Variants in KIF13A observed in about 807,000 individuals in gnomAD.
The protein encoded by KIF13A is kinesin family member 13A.
Under a neutral mutation model 212.2 loss-of-function variants are expected in KIF13A, and 79 were observed. The observed-to-expected ratio is 0.37, with a 90% CI of 0.31 to 0.45. KIF13A has a LOEUF of 0.45. KIF13A is among the 20% of genes least tolerant of loss of function. KIF13A has a pLI of 1.00. For missense variants in KIF13A, 1,901 were observed against 2,209.0 expected (o/e 0.86, Z 2.79); for synonymous variants, 789 against 808.6 (o/e 0.98, Z 0.41).
In KIF13A at chr6:17,900,087, T is replaced by C. The variant is rs113737100; in HGVS notation, c.147-1907A>G. ...GAAAGAAAAGTCACTTGGGTTACAA[T>C]AAGGCCATTATATGAAACAGCACAG... On this transcript the variant is annotated intron_variant, in intron 2 of 38. Coordinates refer to ENST00000259711, the MANE Select transcript of KIF13A (RefSeq NM_022113.6). The surrounding 1 kb of genome is among the most constrained non-coding windows in gnomAD (Gnocchi z 4.6). 6.6e-6 allele frequency among the ~76,000 whole-genome samples: 1 copy of C among 152,306 alleles called. No homozygotes were observed. Among genetic ancestry groups the C allele is most frequent in the African/African-American group, 2.4e-5 (1 of 41,572 alleles).
intron 3 of KIF13A, among the ~76,000 whole-genome samples, chr6:17,879,949 CT>C (rs1770907077): frequency 6.6e-6 from 1 of 152,168 alleles, no homozygotes; most frequent in African/African-American, 2.4e-5. Context: ...AAACTGACTA[CT>C]TTGTTTTTTT....
Position 17,963,707 on chromosome 6 carries a change from C to A in KIF13A, c.146+23347G>T, listed in dbSNP as rs1779052997. Among the ~76,000 whole-genome samples the A allele has an allele frequency of 6.6e-6, 1 of 152,160 alleles. No homozygotes were observed. Among genetic ancestry groups the A allele is most frequent in the Non-Finnish European group, 1.5e-5 (1 of 68,034 alleles). On this transcript the variant is annotated intron_variant, in intron 2 of 38. Coordinates refer to ENST00000259711, the MANE Select transcript of KIF13A (RefSeq NM_022113.6). This position sits in a 1 kb window ranked among gnomAD's most constrained non-coding sequence, Gnocchi z 4.1. ...AAGTAGCTGGGATTACAGGCACGCG[C>A]CACCACGCCCTGCTAATTTTTGCAT...
Position 17,777,210 on chromosome 6 carries a change from C to T in KIF13A, c.4170+67G>A. The T allele has an allele frequency of 5.4e-6, 7 of 1,293,224 alleles. No individual in the cohort carries two copies. The highest frequency in any genetic ancestry group is 7.7e-6 in the Non-Finnish European group (7 of 906,862). 80.1% of individuals were successfully genotyped at this position (1,293,224 alleles called of 1,614,324 possible). A position where few individuals can be genotyped will look rare whatever the true frequency, so the allele number is the denominator to read the frequency against. The stretch of plus-strand genomic sequence containing the variant: ...AGCTCTACTGCCACTGTGTGAATCC[C>T]ACCTTCCCCCACCCCAGAGGCTGCG... On this transcript the variant is annotated intron_variant, in intron 34 of 38. Coordinates refer to ENST00000259711, the MANE Select transcript of KIF13A (RefSeq NM_022113.6). The surrounding 1 kb of genome is among the most constrained non-coding windows in gnomAD (Gnocchi z 4.4).
In KIF13A at chr6:17,874,679, T is replaced by C. The variant is rs1409074154; in HGVS notation, c.160-1242A>G. 4.6e-5 allele frequency among the ~76,000 whole-genome samples: 7 copies of C among 152,132 alleles called. No homozygotes were observed. In the East Asian group the frequency reaches 1.4e-3, roughly 30 times the overall value. On this transcript the variant is annotated intron_variant, in intron 3 of 38. Transcript: ENST00000259711. The stretch of plus-strand genomic sequence containing the variant: ...GGTATTTGGTTACATGAGTTAGTTC[T>C]TTAGTGGTGATTTGTGAGATTTTGG...
intron 25 of KIF13A, among the ~76,000 whole-genome samples, chr6:17,792,023 G>A (rs1761610416): frequency 6.6e-6 from 1 of 151,680 alleles, no homozygotes; most frequent in Non-Finnish European, 1.5e-5. Flanking sequence ...CCAACATGAT[G>A]AAACCCCTAT....
At chr6:17,966,519 A>G (rs1349466411) in intron 2 of KIF13A, among the ~76,000 whole-genome samples, 2 of 137,046 alleles carry the variant, frequency 1.5e-5, no homozygotes, top group Admixed American at 1.5e-4. Flanking sequence ...CCCATGATTT[A>G]GAAGACTTTT....
Position 17,975,717 on chromosome 6 carries a change from C to T in KIF13A, c.146+11337G>A, listed in dbSNP as rs992954605. ...GTGCGTTTACAATCCCTGAGCTAGA[C>T]ACAAAGGTTCTCCACGTCCTCATTA... On this transcript the variant is annotated intron_variant, in intron 2 of 38. Transcript: ENST00000259711. 2.0e-5 allele frequency among the ~76,000 whole-genome samples: 3 copies of T among 152,126 alleles called. No individual in the cohort carries two copies. The East Asian group carries it at 5.8e-4, about 29-fold the overall frequency.
At chr6:17,759,829 C>G (rs1252605630), downstream of KIF13A, 1 of 152,240 alleles carries the variant, frequency 6.6e-6, no homozygotes, top group African/African-American at 2.4e-5. Context: ...AAAACAAAAC[C>G]ACACACACAG....
In KIF13A at chr6:17,776,234, A is replaced by T. The variant is rs780780672; in HGVS notation, c.4170+1043T>A. 6.6e-6 allele frequency among the ~76,000 whole-genome samples: 1 copy of T among 152,168 alleles called. No homozygotes were observed. The highest frequency in any genetic ancestry group is 2.4e-5 in the African/African-American group (1 of 41,452). On this transcript the variant is annotated intron_variant, in intron 34 of 38. Transcript: ENST00000259711. The surrounding 1 kb of genome is among the most constrained non-coding windows in gnomAD (Gnocchi z 4.6). ...ATTCTTTTTTACTCTACTTTTTAAT[A>T]TAAGAGCTATATATTTCCTAATAGT...
At position 17,920,700 on chromosome 6, in the gene KIF13A, C is replaced by A. The variant is rs377219481; in HGVS notation, c.147-22520G>T. On this transcript the variant is annotated intron_variant, in intron 2 of 38. Coordinates refer to ENST00000259711, the MANE Select transcript of KIF13A (RefSeq NM_022113.6). The stretch of plus-strand genomic sequence containing the variant: ...ACCAGCCTGGCCATCATGGTGAAAC[C>A]CTGTCTCTACTAAAAATACAAAAAT... Among the ~76,000 whole-genome samples, 172 of 151,956 alleles carry A rather than the reference C, an allele frequency of 1.1e-3. 2 individuals are homozygous for A. The South Asian group carries it at 0.012, about 11-fold the overall frequency.
At chr6:17,766,641 A>G (rs925565339) in intron 38 of KIF13A, among the ~76,000 whole-genome samples, 3 of 151,964 alleles carry the variant, frequency 2.0e-5, no homozygotes, top group Non-Finnish European at 4.4e-5. Context: ...TGCAGCCTCA[A>G]ACTCCTGGGC....
In KIF13A at chr6:17,771,340, C is replaced by T; in HGVS notation, c.4477-122G>A. 1 of 643,860 alleles carries T rather than the reference C, an allele frequency of 1.6e-6. No individual in the cohort carries two copies. The highest frequency in any genetic ancestry group is 1.8e-5 in the South Asian group (1 of 55,312). 39.9% of individuals were successfully genotyped at this position (643,860 alleles called of 1,614,324 possible). A position where few individuals can be genotyped will look rare whatever the true frequency, so the allele number is the denominator to read the frequency against. On this transcript the variant is annotated intron_variant, in intron 37 of 38. Transcript: ENST00000259711. The surrounding 1 kb of genome is among the most constrained non-coding windows in gnomAD (Gnocchi z 5.4). Reference sequence around the variant, plus strand: ...CTCTTATTACATGTGAGTAATGCAGCAGCCAATTCTGCAGGCCAGAGTTAA... The same window carrying T: ...CTCTTATTACATGTGAGTAATGCAGTAGCCAATTCTGCAGGCCAGAGTTAA...
intron 4 of KIF13A, among the ~76,000 whole-genome samples, chr6:17,862,340 G>T (rs895995787): frequency 2.6e-5 from 4 of 152,056 alleles, no homozygotes; most frequent in Non-Finnish European, 1.5e-5. Flanking sequence ...ATAGTGCGTG[G>T]CCAGTATAAA....
At chr6:17,904,862 T>C (rs1477820168) in intron 2 of KIF13A, among the ~76,000 whole-genome samples, 3 of 152,260 alleles carry the variant, frequency 2.0e-5, no homozygotes, top group Non-Finnish European at 2.9e-5. Context: ...CTTTATTAAT[T>C]GTTGGAAATG....
intron 3 of KIF13A, chr6:17,881,812 A>G (rs954254411): frequency 5.7e-6 from 2 of 349,662 alleles, no homozygotes; most frequent in Non-Finnish European, 1.1e-5. Flanking sequence ...CCTGGCCAAC[A>G]TGGTGAAACC....
intron 2 of KIF13A, among the ~76,000 whole-genome samples, chr6:17,948,134 A>AT (rs138364215): frequency 0.011 from 1,672 of 152,226 alleles, 24 homozygotes; most frequent in African/African-American, 0.038. Context: ...TTTTGTTTTT[A>AT]TTTTAATAAA....
intron 28 of KIF13A, among the ~76,000 whole-genome samples, chr6:17,784,226 C>G (rs1461258043): frequency 6.6e-6 from 1 of 152,064 alleles, no homozygotes; most frequent in East Asian, 1.9e-4. Context: ...TCAAGACCAG[C>G]CTGGGCAACA....
In KIF13A at chr6:17,825,581, G is replaced by A. The variant is rs1168600112; in HGVS notation, c.1786+187C>T. On this transcript the variant is annotated intron_variant, in intron 16 of 38. Transcript: ENST00000259711. This position sits in a 1 kb window ranked among gnomAD's most constrained non-coding sequence, Gnocchi z 4.5. ...GACCATCCATATCCTCATTGTAACT[G>A]AGGGAGAAGACCATCTCCCCCACAT... Among the ~76,000 whole-genome samples the A allele has an allele frequency of 6.6e-6, 1 of 152,166 alleles. No individual in the cohort carries two copies. Among genetic ancestry groups the A allele is most frequent in the Non-Finnish European group, 1.5e-5 (1 of 68,024 alleles).
In KIF13A at chr6:17,966,488, A is replaced by C. The variant is rs559341600; in HGVS notation, c.146+20566T>G. Reference sequence around the variant, plus strand: ...TGACAGTGAGCAGGATTCTTTCAAAAGTTCTGAAAAAAAAAAAAAACCCAT... The same window carrying C: ...TGACAGTGAGCAGGATTCTTTCAAACGTTCTGAAAAAAAAAAAAAACCCAT... On this transcript the variant is annotated intron_variant, in intron 2 of 38. Coordinates refer to ENST00000259711, the MANE Select transcript of KIF13A (RefSeq NM_022113.6). Among the ~76,000 whole-genome samples the C allele has an allele frequency of 1.1e-4, 15 of 138,538 alleles. No homozygotes were observed. In the South Asian group the frequency reaches 3.4e-3, roughly 31 times the overall value. 90.9% of individuals were successfully genotyped at this position (138,538 alleles called of 152,430 possible). A position where few individuals can be genotyped will look rare whatever the true frequency, so the allele number is the denominator to read the frequency against.
Sources: gnomAD v4.1 joint callset for allele counts (sites outside exome capture counted in the v4.1 genomes callset) on GRCh38, gnomAD v4.1.1 for gene constraint, Gnocchi (gnomAD v3.1) non-coding constraint, MANE v1.5 for transcripts, NCBI Gene and HGNC (gene_info 2026-07-23, HGNC 2026-07-21) for gene names.